Variants in GDPD5 observed in about 807,000 individuals in gnomAD.
GDPD5 encodes glycerophosphodiester phosphodiesterase 2.
Under a neutral mutation model 75.1 loss-of-function variants are expected in GDPD5, and 48 were observed. The ratio of observed to expected loss-of-function variants is 0.64; its 90% CI spans 0.51 to 0.81. The LOEUF is 0.81. Ranked by LOEUF, GDPD5 falls within the 40% of genes least tolerant of loss-of-function variation. The pLI is 0.00. For synonymous variants in GDPD5, 336 were observed against 339.0 expected (o/e 0.99, Z 0.10); for missense variants, 706 against 822.6 (o/e 0.86, Z 1.73).
intron 3 of GDPD5, among the ~76,000 whole-genome samples, chr11:75,472,891 A>C (rs1949699919): frequency 6.6e-6 from 1 of 151,938 alleles, no homozygotes; most frequent in Non-Finnish European, 1.5e-5. Flanking sequence ...GGGAGTGAGG[A>C]AGGTGGGGAG....
At chr11:75,448,187 C>T (rs1188120664) in intron 9 of GDPD5, among the ~76,000 whole-genome samples, 1 of 152,126 alleles carries the variant, frequency 6.6e-6, no homozygotes, top group African/African-American at 2.4e-5. Context: ...TGTGTACTAC[C>T]TCTGCTAAGA....
chr11:75,501,161 ACATTGGTGAGGTCTGGAT>A (rs1047681100), intron 1 of GDPD5, among the ~76,000 whole-genome samples: 11 of 152,230 alleles, frequency 7.2e-5, no homozygotes, highest in Non-Finnish European at 1.5e-4. Flanking sequence ...TGAGTTTGCC[ACATTGGTGAGGTCTGGAT>A]CTTCCCTCAG....
chr11:75,501,001 G>A (rs767686463), intron 1 of GDPD5, among the ~76,000 whole-genome samples: 10 of 152,202 alleles, frequency 6.6e-5, no homozygotes, highest in Non-Finnish European at 1.2e-4. Context: ...CAGCAGCCAC[G>A]CTAGTGTCCA....
chr11:75,516,743 G>C (rs1025981116), intron 1 of GDPD5, among the ~76,000 whole-genome samples: 2 of 152,150 alleles, frequency 1.3e-5, no homozygotes, highest in African/African-American at 4.8e-5. Context: ...TTGCTTCTCA[G>C]GTAATCCCAG....
At chr11:75,484,169 G>A (rs1194944559) in intron 2 of GDPD5, among the ~76,000 whole-genome samples, 1 of 152,112 alleles carries the variant, frequency 6.6e-6, no homozygotes, top group Non-Finnish European at 1.5e-5. Context: ...GCCTGGGCAA[G>A]AGAGTGAGAC....
At chr11:75,512,888 A>G (rs751796902) in intron 1 of GDPD5, among the ~76,000 whole-genome samples, 5 of 152,226 alleles carry the variant, frequency 3.3e-5, no homozygotes, top group Non-Finnish European at 5.9e-5. Context: ...CTCTGTCTCA[A>G]AAAAGAAAGA....
intron 1 of GDPD5, among the ~76,000 whole-genome samples, chr11:75,491,891 G>A (rs550957): frequency 0.59 from 89,615 of 152,052 alleles, 27,375 homozygotes; most frequent in East Asian, 0.79. Flanking sequence ...GGCACAAAAT[G>A]TCACAGCCAT....
At chr11:75,454,776 G>A (rs1308494362) in intron 6 of GDPD5, among the ~76,000 whole-genome samples, 1 of 152,232 alleles carries the variant, frequency 6.6e-6, no homozygotes, top group Non-Finnish European at 1.5e-5. Flanking sequence ...CTTAAAATCT[G>A]TCTGGAAAGA....
intron 7 of GDPD5, 26 bp downstream of exon 7, chr11:75,449,859 G>T (rs779890775): frequency 6.2e-7 from 1 of 1,600,726 alleles, no homozygotes; most frequent in Non-Finnish European, 8.6e-7. Context: ...TTGTTGTGAG[G>T]GTCCTGGGGG....
At chr11:75,470,005 G>A (rs775777595) in intron 3 of GDPD5, among the ~76,000 whole-genome samples, 1 of 152,238 alleles carries the variant, frequency 6.6e-6, no homozygotes, top group Non-Finnish European at 1.5e-5. Context: ...CCACTCCTGG[G>A]AATTGGTGTG....
intron 2 of GDPD5, among the ~76,000 whole-genome samples, chr11:75,489,187 A>AC (rs1255157231): frequency 1.3e-5 from 2 of 151,946 alleles, no homozygotes; most frequent in Admixed American, 1.3e-4. Flanking sequence ...ATTACAAAAA[A>AC]AAGACTCAAT....
At chr11:75,484,166 C>T (rs568457595) in intron 2 of GDPD5, among the ~76,000 whole-genome samples, 1 of 152,158 alleles carries the variant, frequency 6.6e-6, no homozygotes, top group African/African-American at 2.4e-5. Context: ...CCAGCCTGGG[C>T]AAGAGAGTGA....
At chr11:75,511,976 T>C (rs1243115160) in intron 1 of GDPD5, among the ~76,000 whole-genome samples, 1 of 152,086 alleles carries the variant, frequency 6.6e-6, no homozygotes, top group African/African-American at 2.4e-5. Flanking sequence ...CAGAGGCAGA[T>C]TACAAACTGT....
chr11:75,522,185 G>A (rs778081712), intron 1 of GDPD5, among the ~76,000 whole-genome samples: 12 of 152,134 alleles, frequency 7.9e-5, no homozygotes, highest in Non-Finnish European at 1.5e-4. Flanking sequence ...CTAAAGTGCC[G>A]TGTGTTTCAC....
chr11:75,516,330 G>A (rs1016625991), intron 1 of GDPD5, among the ~76,000 whole-genome samples: 4 of 152,120 alleles, frequency 2.6e-5, no homozygotes, highest in South Asian at 2.1e-4. Context: ...CTAGTCCCTC[G>A]GTGCTGCACT....
chr11:75,437,107 C>A, intron 15 of GDPD5, 59 bp from the exon 16 acceptor site: 2 of 1,280,050 alleles, frequency 1.6e-6, no homozygotes, highest in Non-Finnish European at 2.3e-6. Context: ...GGAGCAGAGA[C>A]CCTGCCTACT....
intron 4 of GDPD5, among the ~76,000 whole-genome samples, chr11:75,461,279 G>A (rs758388320): frequency 1.3e-5 from 2 of 152,124 alleles, no homozygotes; most frequent in Non-Finnish European, 2.9e-5. Flanking sequence ...ACTCATGACA[G>A]TGCCCATGCT....
At chr11:75,520,231 T>C (rs1950728784) in intron 1 of GDPD5, among the ~76,000 whole-genome samples, 1 of 152,198 alleles carries the variant, frequency 6.6e-6, no homozygotes, top group Non-Finnish European at 1.5e-5. Context: ...ACTGAGTTGC[T>C]CGTTCACGAA....
chr11:75,498,864 G>A (rs1347613775), intron 1 of GDPD5, among the ~76,000 whole-genome samples: 4 of 118,162 alleles, frequency 3.4e-5, no homozygotes, highest in African/African-American at 1.2e-4. Flanking sequence ...ACTCAGGAGG[G>A]AGAGGTATGA....
Sources: allele counts gnomAD v4.1 joint callset (sites outside exome capture counted in the v4.1 genomes callset), GRCh38; gene constraint gnomAD v4.1.1; transcripts MANE v1.5; gene names NCBI Gene and HGNC (gene_info 2026-07-23, HGNC 2026-07-21).